Variants in WDR70 observed in about 807,000 individuals in gnomAD.
WDR70 encodes WD repeat-containing protein 70.
Under a neutral mutation model 88.6 loss-of-function variants are expected in WDR70, and 53 were observed. The ratio of observed to expected loss-of-function variants is 0.60; its 90% CI spans 0.48 to 0.75. The LOEUF (loss-of-function observed/expected upper bound fraction) is 0.75. Among genes scored for constraint, WDR70 ranks in the 30% least tolerant of loss-of-function variants. The pLI, the probability that WDR70 is intolerant of heterozygous loss-of-function variation, is 0.00. For missense variants in WDR70, 610 were observed against 823.2 expected, an observed-to-expected ratio of 0.74 and a Z score of 3.17; for synonymous variants, 280 against 270.0, an observed-to-expected ratio of 1.04 and a Z score of -0.36.
intron 14 of WDR70, chr5:37,722,298 C>T (rs976910254): frequency 1.3e-5 from 2 of 152,270 alleles, no homozygotes; most frequent in Non-Finnish European, 2.9e-5. Context: ...ATTTGCTTCT[C>T]TTGAAAAGGA....
At chr5:37,679,209 T>C (rs1376831565) in intron 10 of WDR70, among the ~76,000 whole-genome samples, 2 of 152,226 alleles carry the variant, frequency 1.3e-5, no homozygotes, top group Admixed American at 6.5e-5. Flanking sequence ...AGTTTGATCG[T>C]CTGAAGCCTT....
chr5:37,748,215 C>T (rs1748690166), intron 17 of WDR70, among the ~76,000 whole-genome samples: 1 of 152,190 alleles, frequency 6.6e-6, no homozygotes, highest in Admixed American at 6.5e-5. Context: ...AAGCTAGAGG[C>T]ATCACGTTAC....
At chr5:37,709,696 T>G (rs1237492345) in intron 13 of WDR70, among the ~76,000 whole-genome samples, 1 of 152,232 alleles carries the variant, frequency 6.6e-6, no homozygotes, top group Non-Finnish European at 1.5e-5. Flanking sequence ...TGTTTTACTG[T>G]CAAGAAGTGC....
At chr5:37,433,921 C>T (rs934871367) in intron 5 of WDR70, among the ~76,000 whole-genome samples, 3 of 152,142 alleles carry the variant, frequency 2.0e-5, no homozygotes, top group Non-Finnish European at 4.4e-5. Flanking sequence ...ATTAATCTAA[C>T]CCAGTGTGTG....
intron 13 of WDR70, among the ~76,000 whole-genome samples, 189 bp downstream of exon 13, chr5:37,703,276 C>T (rs1416527700): frequency 1.3e-5 from 2 of 151,924 alleles, no homozygotes; most frequent in Non-Finnish European, 2.9e-5. Context: ...TTTCCACAAC[C>T]CAATATTTCC....
chr5:37,416,357 G>A (rs1028677339), intron 5 of WDR70, among the ~76,000 whole-genome samples: 3 of 152,172 alleles, frequency 2.0e-5, no homozygotes, highest in African/African-American at 7.2e-5. Flanking sequence ...AAAAAAATAC[G>A]AAAACCAGTC....
At chr5:37,415,767 G>A (rs1339740133) in intron 5 of WDR70, among the ~76,000 whole-genome samples, 4 of 145,820 alleles carry the variant, frequency 2.7e-5, no homozygotes, top group Non-Finnish European at 4.6e-5. Flanking sequence ...GGCGGCTGCC[G>A]GGCGGAGGGT....
At chr5:37,611,438 G>C (rs1321354687) in intron 10 of WDR70, among the ~76,000 whole-genome samples, 3 of 151,932 alleles carry the variant, frequency 2.0e-5, no homozygotes, top group African/African-American at 7.3e-5. Context: ...AGAATTTTAT[G>C]ATAGCGTGCT....
intron 2 of WDR70, among the ~76,000 whole-genome samples, chr5:37,380,449 C>T (rs1299043992): frequency 2.0e-5 from 3 of 151,986 alleles, no homozygotes; most frequent in Non-Finnish European, 4.4e-5. Flanking sequence ...CGCCATTCTC[C>T]GGTCTCAGCC....
At chr5:37,514,782 G>A (rs1018470068) in intron 8 of WDR70, among the ~76,000 whole-genome samples, 1 of 151,952 alleles carries the variant, frequency 6.6e-6, no homozygotes, top group Admixed American at 6.6e-5. Context: ...TTTGGGAGGC[G>A]AGGCAAGCGG....
At chr5:37,639,426 ACT>A (rs1745050172) in intron 10 of WDR70, among the ~76,000 whole-genome samples, 2 of 152,268 alleles carry the variant, frequency 1.3e-5, no homozygotes, top group Admixed American at 6.5e-5. Flanking sequence ...TTTAAAAATT[ACT>A]CTCTAAATAC....
chr5:37,580,783 C>T (rs1304865015), intron 9 of WDR70, among the ~76,000 whole-genome samples: 2 of 152,134 alleles, frequency 1.3e-5, no homozygotes, highest in African/African-American at 4.8e-5. Context: ...TTATTTTTTT[C>T]AACACAAATT....
At chr5:37,677,806 C>T (rs565417150) in intron 10 of WDR70, among the ~76,000 whole-genome samples, 142 of 151,558 alleles carry the variant, frequency 9.4e-4, no homozygotes, top group South Asian at 4.8e-3. Context: ...CTTTCTGTCT[C>T]GATCTGTCTA....
intron 10 of WDR70, among the ~76,000 whole-genome samples, chr5:37,672,515 CTT>C (rs1481861286): frequency 2.0e-5 from 3 of 152,138 alleles, no homozygotes; most frequent in Admixed American, 6.5e-5. Context: ...CTCTGTTACT[CTT>C]TGCTACACTG....
intron 17 of WDR70, among the ~76,000 whole-genome samples, chr5:37,734,286 T>C (rs1227767902): frequency 6.6e-6 from 1 of 152,146 alleles, no homozygotes; most frequent in East Asian, 1.9e-4. Flanking sequence ...ATTTTCCTTT[T>C]TGTAGGTGAA....
At chr5:37,408,435 C>T (rs1444797251) in intron 5 of WDR70, among the ~76,000 whole-genome samples, 3 of 152,084 alleles carry the variant, frequency 2.0e-5, no homozygotes, top group African/African-American at 7.2e-5. Context: ...TATTGCACCA[C>T]TGCACTCCAG....
At chr5:37,447,241 C>T (rs1422603607) in intron 7 of WDR70, among the ~76,000 whole-genome samples, 10 of 152,108 alleles carry the variant, frequency 6.6e-5, no homozygotes, top group Admixed American at 5.9e-4. Flanking sequence ...CAATGAGATA[C>T]CATCTCACAC....
intron 5 of WDR70, among the ~76,000 whole-genome samples, chr5:37,411,191 G>C (rs893360169): frequency 6.6e-6 from 1 of 152,128 alleles, no homozygotes; most frequent in African/African-American, 2.4e-5. Flanking sequence ...AAAACTCCTG[G>C]CCTCAAGCCG....
chr5:37,394,383 A>G (rs547330494), intron 4 of WDR70, among the ~76,000 whole-genome samples: 4 of 152,266 alleles, frequency 2.6e-5, no homozygotes, highest in Non-Finnish European at 4.4e-5. Flanking sequence ...ATAGCTTAAT[A>G]TAAATTTGTT....
Sources: gnomAD v4.1 joint callset for allele counts (sites outside exome capture counted in the v4.1 genomes callset) on GRCh38, gnomAD v4.1.1 for gene constraint, MANE v1.5 for transcripts, NCBI Gene and HGNC (gene_info 2026-07-23, HGNC 2026-07-21) for gene names.